Variants in DMD observed in about 807,000 individuals in gnomAD.
The protein encoded by DMD is dystrophin.
Under a neutral mutation model 330.1 loss-of-function variants are expected in DMD, and 63 were observed. The observed-to-expected ratio is 0.19, with a 90% CI of 0.16 to 0.24. DMD has a LOEUF of 0.24. Ranked by LOEUF, DMD falls within the 10% of genes least tolerant of loss-of-function variation. The pLI is 1.00. For missense variants in DMD, 3,344 were observed against 2,684.1 expected (o/e 1.25, Z -5.43); for synonymous variants, 1,223 against 959.8 (o/e 1.27, Z -5.07).
intron 55 of DMD, chrX:31,508,419 T>G (rs2071167277): frequency 2.5e-6 from 1 of 398,208 alleles, no homozygotes; most frequent in South Asian, 5.6e-5. Flanking sequence ...TACTCCGCAC[T>G]AAACAGTAGC....
intron 7 of DMD, among the ~76,000 whole-genome samples, chrX:32,761,654 C>T (rs898599607): frequency 9.0e-6 from 1 of 111,299 alleles, no homozygotes. Flanking sequence ...GTAATGTGCC[C>T]GCTTTGAGGG....
At chrX:31,287,210 A>G (rs2053286303) in intron 62 of DMD, among the ~76,000 whole-genome samples, 1 of 112,352 alleles carries the variant, frequency 8.9e-6, no homozygotes, top group African/African-American at 3.2e-5. Flanking sequence ...ACACAGGTTG[A>G]ACATAAAGAG....
intron 9 of DMD, among the ~76,000 whole-genome samples, chrX:32,649,262 A>G (rs1212022261): frequency 5.4e-5 from 6 of 110,687 alleles, no homozygotes; most frequent in Non-Finnish European, 1.1e-4. Context: ...CTCATTAAAA[A>G]AGGTGGAAGA....
intron 1 of DMD, among the ~76,000 whole-genome samples, chrX:33,048,305 T>C (rs1183824039): frequency 9.0e-6 from 1 of 111,648 alleles, no homozygotes; most frequent in Non-Finnish European, 1.9e-5. Flanking sequence ...AGGAAACCTG[T>C]CCATAGAGCC....
Position 32,472,153 on chromosome X carries a change from T to C in DMD, c.2949+11A>G. 4.1e-6 allele frequency: 5 copies of C among 1,210,269 alleles called. No homozygotes were observed. The highest frequency in any genetic ancestry group is 5.6e-6 in the Non-Finnish European group (5 of 894,289). Reference sequence around the variant, plus strand: ...GTGCTTTATTGTTTTGACATTCAAATATTCACAGACCTGCAATTCCCCGAG... The same window carrying C: ...GTGCTTTATTGTTTTGACATTCAAACATTCACAGACCTGCAATTCCCCGAG... On this transcript the variant is annotated intron_variant, in intron 22 of 78. Coordinates refer to ENST00000357033, the MANE Select transcript of DMD (RefSeq NM_004006.3).
chrX:31,134,300 T>C, intron 76 of DMD, 106 bp from the exon 77 acceptor site: 2 of 630,087 alleles, frequency 3.2e-6, no homozygotes, highest in African/African-American at 4.4e-5. Context: ...TTTCACTTGC[T>C]CATAAATAAC....
intron 1 of DMD, among the ~76,000 whole-genome samples, chrX:33,044,130 A>T (rs1299859228): frequency 9.0e-6 from 1 of 111,633 alleles, no homozygotes; most frequent in Non-Finnish European, 1.9e-5. Context: ...TTTCATATTT[A>T]TGATTGTTTA....
At chrX:32,615,582 C>A (rs1469019832) in intron 11 of DMD, among the ~76,000 whole-genome samples, 2 of 111,325 alleles carry the variant, frequency 1.8e-5, no homozygotes, top group Non-Finnish European at 3.8e-5. Context: ...GAACATTGAT[C>A]TTATAATTTG....
At chrX:32,607,057 A>G (rs1344978692) in intron 12 of DMD, among the ~76,000 whole-genome samples, 1 of 109,794 alleles carries the variant, frequency 9.1e-6, no homozygotes, top group African/African-American at 3.3e-5. Flanking sequence ...TATTCAGATT[A>G]TGGATATACT....
chrX:32,386,108 A>C (rs762042717), intron 33 of DMD, among the ~76,000 whole-genome samples: 1 of 110,281 alleles, frequency 9.1e-6, no homozygotes, highest in African/African-American at 3.3e-5. Flanking sequence ...ACATCGAAAT[A>C]TGTGTATATG....
chrX:31,932,805 A>G lies in DMD; in HGVS notation c.6615-578T>C, dbSNP rs557815986. On this transcript the variant is annotated intron_variant, in intron 45 of 78. Coordinates refer to ENST00000357033, the MANE Select transcript of DMD (RefSeq NM_004006.3). ...ATACATACATACATTAAAATGAATA[A>G]AATAAAAATTCTAACAACATTATGT... Among the ~76,000 whole-genome samples the G allele has an allele frequency of 5.3e-5, 6 of 112,580 alleles. 1 individual carries two copies. Among genetic ancestry groups the G allele is most frequent in the African/African-American group, 1.9e-4 (6 of 31,042 alleles).
At chrX:33,114,025 A>G (rs954043126) in intron 1 of DMD, among the ~76,000 whole-genome samples, 1 of 111,226 alleles carries the variant, frequency 9.0e-6, no homozygotes, top group Non-Finnish European at 1.9e-5. Context: ...AATACTTTAG[A>G]AATATTGAAA....
At chrX:32,774,234 T>C (rs1461885371) in intron 7 of DMD, among the ~76,000 whole-genome samples, 1 of 112,119 alleles carries the variant, frequency 8.9e-6, no homozygotes, top group Non-Finnish European at 1.9e-5. Context: ...AATCAACATT[T>C]ACCAAGTACC....
intron 9 of DMD, among the ~76,000 whole-genome samples, chrX:32,662,645 T>A (rs1287235078): frequency 9.0e-6 from 1 of 111,614 alleles, no homozygotes; most frequent in Non-Finnish European, 1.9e-5. Context: ...AACTCCCAAT[T>A]ATTCTGGGAG....
intron 44 of DMD, among the ~76,000 whole-genome samples, chrX:32,184,806 C>T (rs2096939650): frequency 1.0e-5 from 1 of 100,098 alleles, no homozygotes; most frequent in African/African-American, 3.7e-5. Flanking sequence ...AAAGGAGAAA[C>T]AGCCTGAGGT....
At chrX:32,062,349 C>T (rs1291146184) in intron 44 of DMD, among the ~76,000 whole-genome samples, 2 of 110,854 alleles carry the variant, frequency 1.8e-5, no homozygotes, top group Admixed American at 9.6e-5. Context: ...CAGATATTAA[C>T]CTAGAAATAT....
chrX:32,774,729 TAC>T (rs2073971018), intron 7 of DMD, among the ~76,000 whole-genome samples: 1 of 111,101 alleles, frequency 9.0e-6, no homozygotes, highest in Non-Finnish European at 1.9e-5. Context: ...ACGTGGGGAT[TAC>T]AATTTGAGAC....
At chrX:32,866,128 C>CA (rs760135718) in intron 2 of DMD, among the ~76,000 whole-genome samples, 1 of 112,076 alleles carries the variant, frequency 8.9e-6, no homozygotes, top group Non-Finnish European at 1.9e-5. Flanking sequence ...GAGGATGAGA[C>CA]AAGTGGAACC....
At chrX:32,815,104 CT>C (rs1179009523) in intron 6 of DMD, among the ~76,000 whole-genome samples, 1 of 110,721 alleles carries the variant, frequency 9.0e-6, no homozygotes, top group Admixed American at 9.7e-5. Flanking sequence ...GCATGTCTGC[CT>C]CTGTTCTAAA....
Sources: allele counts gnomAD v4.1 joint callset (sites outside exome capture counted in the v4.1 genomes callset), GRCh38; gene constraint gnomAD v4.1.1; transcripts MANE v1.5; gene names NCBI Gene and HGNC (gene_info 2026-07-23, HGNC 2026-07-21).